Variants in RAD18 observed in about 807,000 individuals in gnomAD.
RAD18 encodes the protein RAD18 E3 ubiquitin protein ligase.
Under a neutral mutation model 60.4 loss-of-function variants are expected in RAD18, and 47 were observed. The ratio of observed to expected loss-of-function variants is 0.78; its 90% CI spans 0.62 to 0.99. RAD18 has a LOEUF of 0.99. Ranked by LOEUF, RAD18 falls within the 50% of genes least tolerant of loss-of-function variation. RAD18 has a pLI of 0.00. For missense variants in RAD18, 640 were observed against 593.3 expected, an observed-to-expected ratio of 1.08 and a Z score of -0.82; for synonymous variants, 225 against 195.5, an observed-to-expected ratio of 1.15 and a Z score of -1.26.
Position 8,931,268 on chromosome 3 carries a change from CA to C in RAD18, c.889+4602del, listed in dbSNP as rs1264185254. ...ATTTTAAAACTACTCACAATAGCAC[CA>C]AAAGACATGAAATATTTAAGGATAC... On this transcript the variant is annotated intron_variant, in intron 7 of 12. Coordinates refer to ENST00000264926, the MANE Select transcript of RAD18 (RefSeq NM_020165.4). 2.0e-5 allele frequency among the ~76,000 whole-genome samples: 3 copies of C among 151,830 alleles called. No individual in the cohort carries two copies. In the East Asian group the frequency reaches 5.8e-4, roughly 29 times the overall value.
intron 6 of RAD18, among the ~76,000 whole-genome samples, chr3:8,939,037 G>C (rs1171401658): frequency 1.3e-5 from 2 of 151,968 alleles, no homozygotes; most frequent in Admixed American, 1.3e-4. Flanking sequence ...AGGATGGGGG[G>C]GTGGTGTGGG....
intron 7 of RAD18, among the ~76,000 whole-genome samples, chr3:8,918,332 A>G (rs1236156824): frequency 6.6e-6 from 1 of 151,736 alleles, no homozygotes; most frequent in African/African-American, 2.4e-5. Context: ...AAAAAAAAAA[A>G]AAAAAAAAGG....
At chr3:8,940,222 G>T (rs540173719) in intron 5 of RAD18, among the ~76,000 whole-genome samples, 1 of 152,108 alleles carries the variant, frequency 6.6e-6, no homozygotes, top group Non-Finnish European at 1.5e-5. Flanking sequence ...AGGGATCTGT[G>T]GGGGTATCTC....
intron 2 of RAD18, among the ~76,000 whole-genome samples, chr3:8,956,578 T>C (rs1350615557): frequency 6.6e-6 from 1 of 152,084 alleles, no homozygotes; most frequent in East Asian, 1.9e-4. Flanking sequence ...GGGACTACAG[T>C]ACAAAGCCAG....
chr3:8,955,464 G>T (rs1940992669), intron 2 of RAD18, among the ~76,000 whole-genome samples: 1 of 152,218 alleles, frequency 6.6e-6, no homozygotes, highest in African/African-American at 2.4e-5. Context: ...AGCAGACAGA[G>T]GCTGATATAG....
intron 7 of RAD18, among the ~76,000 whole-genome samples, chr3:8,925,499 C>T (rs914738948): frequency 8.5e-5 from 13 of 152,180 alleles, no homozygotes; most frequent in Non-Finnish European, 1.8e-4. Context: ...GGAGCTGGTA[C>T]CATTCCTTCT....
intron 2 of RAD18, among the ~76,000 whole-genome samples, chr3:8,954,863 G>C (rs899904853): frequency 2.6e-5 from 4 of 152,128 alleles, no homozygotes; most frequent in African/African-American, 9.7e-5. Flanking sequence ...TAAAGACCCA[G>C]AGCAAATTTT....
intron 12 of RAD18, among the ~76,000 whole-genome samples, chr3:8,886,302 G>A (rs774213222): frequency 5.9e-5 from 9 of 152,162 alleles, no homozygotes; most frequent in Non-Finnish European, 1.2e-4. Context: ...CACTGCAAAA[G>A]GGAGGAGGTA....
At chr3:8,946,440 T>C (rs1940841287) in intron 4 of RAD18, among the ~76,000 whole-genome samples, 1 of 152,224 alleles carries the variant, frequency 6.6e-6, no homozygotes, top group Non-Finnish European at 1.5e-5. Context: ...CAACACATGA[T>C]TACACTTAAC....
chr3:8,935,811 G>T, intron 7 of RAD18, 60 bp downstream of exon 7: 2 of 1,345,278 alleles, frequency 1.5e-6, no homozygotes, highest in Non-Finnish European at 1.0e-6. Context: ...TATAATTTCT[G>T]AGCTACACAA....
At chr3:8,921,757 C>T (rs912456263) in intron 7 of RAD18, among the ~76,000 whole-genome samples, 2 of 152,050 alleles carry the variant, frequency 1.3e-5, no homozygotes, top group Admixed American at 1.3e-4. Flanking sequence ...CAGATGAACA[C>T]CCAGATCTAC....
At chr3:8,921,408 T>C (rs35922721) in intron 7 of RAD18, among the ~76,000 whole-genome samples, 19,274 of 152,052 alleles carry the variant, frequency 0.13, 1,409 homozygotes, top group East Asian at 0.23. Flanking sequence ...TCCCTGCACT[T>C]TGGGGGGCTA....
intron 7 of RAD18, among the ~76,000 whole-genome samples, chr3:8,920,412 A>G (rs1248168940): frequency 1.3e-5 from 2 of 152,248 alleles, no homozygotes; most frequent in Non-Finnish European, 2.9e-5. Context: ...TCATTTTGCA[A>G]CTATCACAGA....
chr3:8,910,919 A>C (rs1256275860), intron 9 of RAD18, among the ~76,000 whole-genome samples: 1 of 152,208 alleles, frequency 6.6e-6, no homozygotes, highest in Non-Finnish European at 1.5e-5. Context: ...GATAGTTGTT[A>C]CCTCTAGGGA....
chr3:8,929,022 AC>A (rs1940500321), intron 7 of RAD18, among the ~76,000 whole-genome samples: 1 of 152,230 alleles, frequency 6.6e-6, no homozygotes, highest in Non-Finnish European at 1.5e-5. Flanking sequence ...AGAATACACA[AC>A]AAAAATTAGA....
In RAD18 at chr3:8,878,099, G is replaced by T. The variant is rs1480908297; in HGVS notation, c.*3258C>A. On this transcript the variant is annotated 3_prime_UTR_variant, in exon 13 of 13. Transcript: ENST00000264926. ...TCCAGCAGGGCCAGCCGCAGTGCAC[G>T]TGACAGAGCAGCGGTGAGGAGGGCA... 6.6e-6 allele frequency: 1 copy of T among 152,390 alleles called. No homozygotes were observed. Among genetic ancestry groups the T allele is most frequent in the East Asian group, 1.9e-4 (1 of 5,192 alleles). The allele number at this position is 152,390 out of a possible 1,614,324, so 9.4% of individuals were successfully genotyped here. A position where few individuals can be genotyped will look rare whatever the true frequency, so the allele number is the denominator to read the frequency against.
intron 9 of RAD18, among the ~76,000 whole-genome samples, chr3:8,910,154 G>C (rs1940082356): frequency 6.6e-6 from 1 of 152,172 alleles, no homozygotes; most frequent in South Asian, 2.1e-4. Context: ...CAGAGGCTAG[G>C]GGTGGCCCTA....
At chr3:8,928,628 GA>G (rs1334091910) in intron 7 of RAD18, among the ~76,000 whole-genome samples, 1 of 152,008 alleles carries the variant, frequency 6.6e-6, no homozygotes, top group Non-Finnish European at 1.5e-5. Context: ...TAACAAAACT[GA>G]AAATATTGAC....
At chr3:8,888,802 T>C (rs1939629010) in intron 12 of RAD18, among the ~76,000 whole-genome samples, 1 of 152,208 alleles carries the variant, frequency 6.6e-6, no homozygotes, top group South Asian at 2.1e-4. Context: ...CTTGTATCTT[T>C]CTCGCTTTAA....
Sources: gnomAD v4.1 joint callset for allele counts (sites outside exome capture counted in the v4.1 genomes callset) on GRCh38, gnomAD v4.1.1 for gene constraint, MANE v1.5 for transcripts, NCBI Gene and HGNC (gene_info 2026-07-23, HGNC 2026-07-21) for gene names.